Variants in DYNC1I1 observed in about 807,000 individuals in gnomAD.
The protein encoded by DYNC1I1 is cytoplasmic dynein 1 intermediate chain 1.
DYNC1I1 carries 43 observed loss-of-function variants against 86.6 expected under a neutral mutation model. The ratio of observed to expected loss-of-function variants is 0.50; its 90% CI spans 0.39 to 0.64. The LOEUF (loss-of-function observed/expected upper bound fraction) is 0.64. Ranked by LOEUF, DYNC1I1 falls within the 30% of genes least tolerant of loss-of-function variation. The probability of loss-of-function intolerance (pLI) is 0.00; values close to 1 mark genes in which losing one functional copy is unlikely to be tolerated. For synonymous variants in DYNC1I1, 262 were observed against 283.7 expected, an observed-to-expected ratio of 0.92 and a Z score of 0.77; for missense variants, 604 against 788.8, an observed-to-expected ratio of 0.77 and a Z score of 2.81.
intron 5 of DYNC1I1, among the ~76,000 whole-genome samples, chr7:95,863,952 A>G (rs1381401383): frequency 6.6e-6 from 1 of 152,226 alleles, no homozygotes; most frequent in Non-Finnish European, 1.5e-5. Context: ...GTTTTTCTCA[A>G]AATTTCCTTT....
chr7:95,860,171 A>C (rs959971653), intron 5 of DYNC1I1, among the ~76,000 whole-genome samples: 1 of 152,056 alleles, frequency 6.6e-6, no homozygotes, highest in East Asian at 1.9e-4. Context: ...CTTACCTTTT[A>C]TTCCTATTTA....
intron 16 of DYNC1I1, among the ~76,000 whole-genome samples, chr7:96,080,820 C>G (rs1266062927): frequency 6.6e-6 from 1 of 151,928 alleles, no homozygotes; most frequent in Non-Finnish European, 1.5e-5. Context: ...GCCTGTAATC[C>G]CAACATTTTG....
At chr7:95,850,094 G>A (rs1456141309) in intron 5 of DYNC1I1, among the ~76,000 whole-genome samples, 1 of 106,840 alleles carries the variant, frequency 9.4e-6, no homozygotes, top group Non-Finnish European at 2.5e-5. Flanking sequence ...TATTATTTCT[G>A]AAGGTTTTTT....
At chr7:96,090,296 A>G (rs1790803095) in intron 16 of DYNC1I1, among the ~76,000 whole-genome samples, 3 of 152,036 alleles carry the variant, frequency 2.0e-5, no homozygotes. Context: ...AACCTTCAGA[A>G]TGTTGTCATG....
At chr7:95,964,886 G>A (rs1792969043) in intron 6 of DYNC1I1, among the ~76,000 whole-genome samples, 1 of 152,152 alleles carries the variant, frequency 6.6e-6, no homozygotes, top group Non-Finnish European at 1.5e-5. Flanking sequence ...CAGGTACAGG[G>A]AATACCAATG....
chr7:95,870,718 A>C (rs1584111948), intron 6 of DYNC1I1, among the ~76,000 whole-genome samples: 1 of 152,254 alleles, frequency 6.6e-6, no homozygotes, highest in South Asian at 2.1e-4. Context: ...AAAAAGTCAC[A>C]TACGGGTATC....
intron 11 of DYNC1I1, 119 bp downstream of exon 11, chr7:96,028,440 T>G: frequency 7.5e-7 from 1 of 1,340,314 alleles, no homozygotes; most frequent in Non-Finnish European, 9.9e-7. Flanking sequence ...TACTTTATTA[T>G]GATTGAATCC....
At chr7:95,850,676 G>C (rs1444246420) in intron 5 of DYNC1I1, among the ~76,000 whole-genome samples, 1 of 152,162 alleles carries the variant, frequency 6.6e-6, no homozygotes, top group East Asian at 1.9e-4. Flanking sequence ...AACTTTTGCA[G>C]TTTAAGATCT....
intron 6 of DYNC1I1, 101 bp downstream of exon 6, chr7:95,870,099 T>C (rs768432721): frequency 2.5e-5 from 26 of 1,025,032 alleles, no homozygotes; most frequent in Non-Finnish European, 3.5e-5. Context: ...GAGCTCTTCA[T>C]GGGATACAAA....
In DYNC1I1 at chr7:96,049,077, G is replaced by T. The variant is rs557819790; in HGVS notation, c.1509+9656G>T. 7.9e-5 allele frequency among the ~76,000 whole-genome samples: 12 copies of T among 152,066 alleles called. No homozygotes were observed. In the East Asian group the frequency reaches 2.3e-3, roughly 30 times the overall value. On this transcript the variant is annotated intron_variant, in intron 14 of 16. Transcript: ENST00000447467. Reference sequence around the variant, plus strand: ...GATTGAGACCATCACGGCTAACACGGTGAAACCCCGTCTCTACTAAAAATA... The same window carrying T: ...GATTGAGACCATCACGGCTAACACGTTGAAACCCCGTCTCTACTAAAAATA...
At chr7:95,967,549 G>A (rs374207801) in intron 6 of DYNC1I1, among the ~76,000 whole-genome samples, 1 of 152,164 alleles carries the variant, frequency 6.6e-6, no homozygotes, top group South Asian at 2.1e-4. Flanking sequence ...CCACCTCTCA[G>A]TAAGGACCTC....
intron 1 of DYNC1I1, among the ~76,000 whole-genome samples, chr7:95,782,454 T>G (rs1006312306): frequency 5.3e-5 from 8 of 152,134 alleles, no homozygotes; most frequent in Non-Finnish European, 1.0e-4. Flanking sequence ...GGACTTGCAA[T>G]AGAGGTGTTG....
intron 6 of DYNC1I1, among the ~76,000 whole-genome samples, chr7:95,948,526 T>C (rs578204860): frequency 6.6e-6 from 1 of 152,320 alleles, no homozygotes; most frequent in East Asian, 1.9e-4. Flanking sequence ...GTTTACTAGT[T>C]GGTTCTTGAG....
intron 10 of DYNC1I1, among the ~76,000 whole-genome samples, chr7:95,996,880 C>G (rs1401948745): frequency 1.3e-5 from 2 of 152,148 alleles, no homozygotes; most frequent in African/African-American, 4.8e-5. Context: ...TTCAGAGGTA[C>G]TGAGTGGCAG....
chr7:95,830,430 G>A (rs1026125088), intron 5 of DYNC1I1, among the ~76,000 whole-genome samples: 1 of 151,982 alleles, frequency 6.6e-6, no homozygotes, highest in Non-Finnish European at 1.5e-5. Flanking sequence ...ACCTTAGTTT[G>A]CCTTTCCTAG....
chr7:95,951,856 A>T (rs1457226986), intron 6 of DYNC1I1, among the ~76,000 whole-genome samples: 1 of 152,236 alleles, frequency 6.6e-6, no homozygotes, highest in Non-Finnish European at 1.5e-5. Flanking sequence ...AGTCAAGGTC[A>T]GGAAGCACCT....
chr7:95,932,889 T>G (rs1317600464), intron 6 of DYNC1I1, among the ~76,000 whole-genome samples: 2 of 150,664 alleles, frequency 1.3e-5, no homozygotes, highest in Non-Finnish European at 3.0e-5. Flanking sequence ...ATTTTTTTTT[T>G]TTTTTTGAGA....
chr7:95,841,605 A>G (rs1789284021), intron 5 of DYNC1I1, among the ~76,000 whole-genome samples: 1 of 152,160 alleles, frequency 6.6e-6, no homozygotes, highest in Admixed American at 6.5e-5. Context: ...AAATCAGAGC[A>G]TTTGTTGTGT....
chr7:96,004,646 GCA>G (rs34562315), intron 10 of DYNC1I1, among the ~76,000 whole-genome samples: 17,399 of 145,670 alleles, frequency 0.12, 1,228 homozygotes, highest in East Asian at 0.3. Flanking sequence ...ATAAATGCAT[GCA>G]CACACACACA....
Sources: gnomAD v4.1 joint callset for allele counts (sites outside exome capture counted in the v4.1 genomes callset) on GRCh38, gnomAD v4.1.1 for gene constraint, MANE v1.5 for transcripts, NCBI Gene and HGNC (gene_info 2026-07-23, HGNC 2026-07-21) for gene names.